The following GPHN variants were observed in gnomAD, a reference collection of about 807,000 sequenced individuals.
The protein encoded by GPHN is gephyrin.
GPHN carries 17 observed loss-of-function variants against 95.5 expected under a neutral mutation model. The observed-to-expected ratio is 0.18, with a 90% CI of 0.12 to 0.27. The LOEUF (loss-of-function observed/expected upper bound fraction) is 0.27. Ranked by LOEUF, GPHN falls within the 10% of genes least tolerant of loss-of-function variation. The pLI, the probability that GPHN is intolerant of heterozygous loss-of-function variation, is 1.00. For synonymous variants in GPHN, 320 were observed against 322.5 expected (o/e 0.99, Z 0.08); for missense variants, 660 against 978.1 (o/e 0.67, Z 4.34).
In GPHN at chr14:66,802,652, G is replaced by A. The variant is rs557938638; in HGVS notation, c.202-21822G>A. Among the ~76,000 whole-genome samples, 3 of 152,084 alleles carry A rather than the reference G, an allele frequency of 2.0e-5. No homozygotes were observed. The South Asian group carries it at 6.2e-4, about 32-fold the overall frequency. ...ACTGCTCATTATTCAGTGCCCAAGGGCTCTTTAGTTTGCAGTTGATGAATC... is the reference window on the plus strand; with the variant it reads ...ACTGCTCATTATTCAGTGCCCAAGGACTCTTTAGTTTGCAGTTGATGAATC... On this transcript the variant is annotated intron_variant, in intron 3 of 22. Coordinates refer to ENST00000478722, the MANE Select transcript of GPHN (RefSeq NM_020806.5).
intron 1 of GPHN, among the ~76,000 whole-genome samples, chr14:66,547,683 C>T (rs555442298): frequency 1.2e-3 from 183 of 152,234 alleles, no homozygotes; most frequent in African/African-American, 4.0e-3. Context: ...AGTATCAGTT[C>T]GTCTTAACAG....
At chr14:66,710,610 A>T (rs1349441972) in intron 2 of GPHN, among the ~76,000 whole-genome samples, 1 of 152,202 alleles carries the variant, frequency 6.6e-6, no homozygotes, top group Non-Finnish European at 1.5e-5. Context: ...CTCAGGTAGA[A>T]CATCTGTTAA....
At chr14:66,625,522 G>T (rs114583960) in intron 1 of GPHN, among the ~76,000 whole-genome samples, 1 of 150,742 alleles carries the variant, frequency 6.6e-6, no homozygotes, top group East Asian at 1.9e-4. Flanking sequence ...CTTTCCTATT[G>T]TCTGCCTTTT....
intron 1 of GPHN, chr14:66,509,061 T>G: frequency 4.4e-6 from 1 of 226,124 alleles, no homozygotes; most frequent in Non-Finnish European, 8.8e-6. Flanking sequence ...CCCACGCCAG[T>G]ATCTGTGCTT....
chr14:67,680,037 G>T, the GPHN span, among the ~76,000 whole-genome samples: 6 of 152,170 alleles, frequency 3.9e-5, no homozygotes, highest in Non-Finnish European at 8.8e-5. Context: ...CCAGCAGCAG[G>T]AGCATCAACT....
At position 66,728,208 on chromosome 14, in the gene GPHN, G is replaced by C. The variant is rs763130524; in HGVS notation, c.143+47023G>C. On this transcript the variant is annotated intron_variant, in intron 2 of 22. Transcript: ENST00000478722. Reference sequence around the variant, plus strand: ...CTGCCTAGATTTCAGAGGATGGATGGAAATGCCTGGATGTCCAAGCAGAAG... The same window carrying C: ...CTGCCTAGATTTCAGAGGATGGATGCAAATGCCTGGATGTCCAAGCAGAAG... Among the ~76,000 whole-genome samples, 189 of 152,178 alleles carry C rather than the reference G, an allele frequency of 1.2e-3. 2 individuals carry two copies. Among genetic ancestry groups the C allele is most frequent in the Non-Finnish European group, 1.7e-3 (116 of 68,000 alleles).
the GPHN span, among the ~76,000 whole-genome samples, chr14:67,526,649 T>C: frequency 6.6e-6 from 1 of 152,132 alleles, no homozygotes; most frequent in Non-Finnish European, 1.5e-5. Context: ...CATTTAGAGG[T>C]GACCAAAGCA....
At chr14:67,601,012 A>T in the GPHN span, among the ~76,000 whole-genome samples, 1 of 152,196 alleles carries the variant, frequency 6.6e-6, no homozygotes, top group Non-Finnish European at 1.5e-5. Context: ...GTGCTTGAGG[A>T]TGCAGCAGTG....
intron 4 of GPHN, among the ~76,000 whole-genome samples, chr14:66,845,833 G>GTGTC (rs979377458): frequency 2.6e-5 from 4 of 151,128 alleles, no homozygotes; most frequent in African/African-American, 9.7e-5. Flanking sequence ...GTGTGTGTGT[G>GTGTC]TGTGTGTGTG....
At chr14:66,750,020 T>G (rs2058308680) in intron 2 of GPHN, among the ~76,000 whole-genome samples, 1 of 151,926 alleles carries the variant, frequency 6.6e-6, no homozygotes, top group African/African-American at 2.4e-5. Context: ...TTTTAGTTAT[T>G]TTTATATGTA....
intron 3 of GPHN, among the ~76,000 whole-genome samples, chr14:66,790,896 C>G (rs150996872): frequency 6.6e-6 from 1 of 152,330 alleles, no homozygotes; most frequent in East Asian, 1.9e-4. Flanking sequence ...TTTGTACATG[C>G]CTAATTCTGT....
At chr14:67,166,641 T>G (rs1281839180) in intron 20 of GPHN, among the ~76,000 whole-genome samples, 1 of 141,284 alleles carries the variant, frequency 7.1e-6, no homozygotes, top group African/African-American at 3.0e-5. Flanking sequence ...TTGGTTTTGT[T>G]TGTTTTTTGT....
the GPHN span, among the ~76,000 whole-genome samples, chr14:67,244,393 C>T: frequency 6.6e-6 from 1 of 152,086 alleles, no homozygotes; most frequent in Admixed American, 6.6e-5. Flanking sequence ...AGTGGCTTCA[C>T]ATTCTTGCCC....
At chr14:67,724,990 G>C in the GPHN span, 1 of 1,255,884 alleles carries the variant, frequency 8.0e-7, no homozygotes, top group Non-Finnish European at 1.2e-6. Context: ...TACCGTTGAA[G>C]GATGGCTGGG....
chr14:66,523,521 T>G (rs374757378), intron 1 of GPHN, among the ~76,000 whole-genome samples: 1 of 152,094 alleles, frequency 6.6e-6, no homozygotes, highest in Non-Finnish European at 1.5e-5. Flanking sequence ...ATGAACAATA[T>G]TATGTTTTAG....
At chr14:67,419,018 C>G in the GPHN span, among the ~76,000 whole-genome samples, 1 of 152,070 alleles carries the variant, frequency 6.6e-6, no homozygotes, top group Non-Finnish European at 1.5e-5. Context: ...GAGAAATGCC[C>G]CTTGGCAGAT....
At chr14:67,522,220 C>A in the GPHN span, among the ~76,000 whole-genome samples, 1 of 152,078 alleles carries the variant, frequency 6.6e-6, no homozygotes, top group Non-Finnish European at 1.5e-5. Flanking sequence ...GGGGATTGTG[C>A]GGGAGAGCCC....
chr14:66,807,460 G>T (rs1161722752), intron 3 of GPHN, among the ~76,000 whole-genome samples: 3 of 152,202 alleles, frequency 2.0e-5, no homozygotes, highest in African/African-American at 7.2e-5. Context: ...TACAGTCTGG[G>T]TTCTTCTATA....
chr14:67,227,816 C>T, the GPHN span: 1 of 152,052 alleles, frequency 6.6e-6, no homozygotes, highest in Non-Finnish European at 1.5e-5. Flanking sequence ...ATCTTAACAT[C>T]CTGAATGGAC....
Sources: gnomAD v4.1 joint callset for allele counts (sites outside exome capture counted in the v4.1 genomes callset) on GRCh38, gnomAD v4.1.1 for gene constraint, MANE v1.5 for transcripts, NCBI Gene and HGNC (gene_info 2026-07-23, HGNC 2026-07-21) for gene names.